Variants in FOXN3 observed in about 807,000 individuals in gnomAD.
FOXN3 encodes forkhead box protein N3.
In FOXN3, 7 loss-of-function variants were observed where a neutral mutation model predicts 38.4. The ratio of observed to expected loss-of-function variants is 0.18; its 90% CI spans 0.10 to 0.34. The LOEUF is 0.34. FOXN3 is among the 10% of genes least tolerant of loss of function. The probability of loss-of-function intolerance (pLI) is 1.00; values close to 1 mark genes in which losing one functional copy is unlikely to be tolerated. For synonymous variants in FOXN3, 230 were observed against 242.2 expected (o/e 0.95, Z 0.47); for missense variants, 456 against 613.4 (o/e 0.74, Z 2.71).
At chr14:89,299,337 GC>G (rs1283182967) in intron 3 of FOXN3, among the ~76,000 whole-genome samples, 1 of 152,204 alleles carries the variant, frequency 6.6e-6, no homozygotes, top group Non-Finnish European at 1.5e-5. Context: ...TGTCTTGCCT[GC>G]CACCATGTAA....
At chr14:89,244,224 T>C (rs1885223561) in intron 4 of FOXN3, among the ~76,000 whole-genome samples, 2 of 152,236 alleles carry the variant, frequency 1.3e-5, no homozygotes, top group South Asian at 4.1e-4. Context: ...CATACATACA[T>C]GATATTGGTA....
rs1225113277 is a variant in FOXN3, at chr14:89,478,962, C to A, written c.-14-66472G>T. The stretch of plus-strand genomic sequence containing the variant: ...AAAAAAAAAAAAAATTACCACAACA[C>A]CTCTACAAGGCAAATATCCCTACCC... On this transcript the variant is annotated intron_variant, in intron 1 of 6. Coordinates refer to the FOXN3 transcript ENST00000345097. Among the ~76,000 whole-genome samples the A allele has an allele frequency of 6.6e-5, 8 of 122,054 alleles. No individual in the cohort carries two copies. In the Admixed American group the frequency reaches 7.2e-4, roughly 11 times the overall value. 80.1% of individuals were successfully genotyped at this position (122,054 alleles called of 152,430 possible). A position where few individuals can be genotyped will look rare whatever the true frequency, so the allele number is the denominator to read the frequency against.
At chr14:89,544,784 C>T (rs1450585830) in intron 1 of FOXN3, among the ~76,000 whole-genome samples, 4 of 152,116 alleles carry the variant, frequency 2.6e-5, no homozygotes, top group Non-Finnish European at 5.9e-5. Context: ...GTAGTATATA[C>T]AGTGTAGAAA....
chr14:89,610,366 C>T (rs538764041), intron 1 of FOXN3, among the ~76,000 whole-genome samples: 5 of 152,314 alleles, frequency 3.3e-5, no homozygotes, highest in South Asian at 2.1e-4. Context: ...AACCCATGAC[C>T]GAAAGCAGCG....
intron 4 of FOXN3, among the ~76,000 whole-genome samples, chr14:89,194,468 C>A (rs1011663225): frequency 1.3e-5 from 2 of 152,068 alleles, no homozygotes; most frequent in African/African-American, 4.8e-5. Context: ...GGGTTGAACA[C>A]CAAGCAGCCT....
rs760406905 is a variant in FOXN3, at chr14:89,354,543, TA to T, written c.544-3736del. ...CGCCCGGCCGTGGAGTGCTTTTTATTAAAAAAAAAAAAAAAAAAGAAAAGAA... is the reference window on the plus strand; with the variant it reads ...CGCCCGGCCGTGGAGTGCTTTTTATTAAAAAAAAAAAAAAAAAGAAAAGAA... On this transcript the variant is annotated intron_variant, in intron 2 of 5. Coordinates refer to ENST00000557258, the MANE Select transcript of FOXN3 (RefSeq NM_005197.4). Among the ~76,000 whole-genome samples, 805 of 121,550 alleles carry T rather than the reference TA, an allele frequency of 6.6e-3. 6 individuals are homozygous for T. Among genetic ancestry groups the T allele is most frequent in the African/African-American group, 0.018 (582 of 32,388 alleles). 79.7% of individuals were successfully genotyped at this position (121,550 alleles called of 152,430 possible).
At position 89,192,562 on chromosome 14, in the gene FOXN3, A is replaced by C. The variant is rs1424913211; in HGVS notation, c.746-11756T>G. Among the ~76,000 whole-genome samples the C allele has an allele frequency of 7.8e-5, 11 of 141,540 alleles. No individual in the cohort carries two copies. The South Asian group carries it at 8.7e-4, about 11-fold the overall frequency. The allele number at this position is 141,540 out of a possible 152,430, so 92.9% of individuals were successfully genotyped here. A position where few individuals can be genotyped will look rare whatever the true frequency, so the allele number is the denominator to read the frequency against. On this transcript the variant is annotated intron_variant, in intron 4 of 5. Transcript: ENST00000557258. ...TAACTTTATAACATATGAATTATAC[A>C]ATATATAACACATATGTTATATGTA...
At chr14:89,588,532 G>GCTA (rs1596326029) in intron 1 of FOXN3, among the ~76,000 whole-genome samples, 1 of 152,090 alleles carries the variant, frequency 6.6e-6, no homozygotes, top group African/African-American at 2.4e-5. Context: ...AGTGCTCTAG[G>GCTA]CTAACATCAT....
chr14:89,603,439 T>G (rs1027734317), intron 1 of FOXN3, among the ~76,000 whole-genome samples: 2 of 152,222 alleles, frequency 1.3e-5, no homozygotes, highest in Non-Finnish European at 2.9e-5. Context: ...AAAATACCCC[T>G]GAATACCTGC....
intron 1 of FOXN3, among the ~76,000 whole-genome samples, chr14:89,537,621 C>T (rs747948776): frequency 3.9e-4 from 59 of 152,348 alleles, no homozygotes; most frequent in Non-Finnish European, 4.3e-4. Context: ...CCACATCTTC[C>T]AACCTCTTGT....
At chr14:89,446,086 T>TAAAAAAAAAAAA in intron 1 of FOXN3, among the ~76,000 whole-genome samples, 1 of 13,026 alleles carries the variant, frequency 7.7e-5, no homozygotes. Context: ...AGACCCTGCC[T>TAAAAAAAAAAAA]CAAAAAAAAA....
At chr14:89,171,400 T>G (rs998996896) in intron 5 of FOXN3, among the ~76,000 whole-genome samples, 9 of 152,176 alleles carry the variant, frequency 5.9e-5, no homozygotes, top group Admixed American at 2.0e-4. Flanking sequence ...TCTGAAAGAA[T>G]GAATACGCCT....
intron 4 of FOXN3, among the ~76,000 whole-genome samples, chr14:89,235,816 A>G (rs1344975746): frequency 1.5e-5 from 2 of 135,754 alleles, no homozygotes; most frequent in Non-Finnish European, 2.9e-5. Context: ...CAGCCTCTAG[A>G]AGCTGCAATA....
intron 1 of FOXN3, among the ~76,000 whole-genome samples, chr14:89,566,422 C>T (rs941627251): frequency 5.3e-5 from 8 of 150,494 alleles, no homozygotes; most frequent in African/African-American, 7.5e-5. Flanking sequence ...TCTTTACTTT[C>T]CTACAGGGAA....
chr14:89,468,063 C>T (rs74450928), intron 1 of FOXN3, among the ~76,000 whole-genome samples: 1 of 151,408 alleles, frequency 6.6e-6, no homozygotes, highest in African/African-American at 2.4e-5. Context: ...CATGCATCTA[C>T]ATAATTTGAT....
chr14:89,318,080 C>T (rs1003556172), intron 3 of FOXN3, among the ~76,000 whole-genome samples: 2 of 151,634 alleles, frequency 1.3e-5, no homozygotes, highest in East Asian at 1.9e-4. Context: ...CCCAACTAGC[C>T]AGTAAGTTTC....
intron 2 of FOXN3, chr14:89,355,082 T>C (rs1029190075): frequency 1.7e-4 from 26 of 150,366 alleles, no homozygotes; most frequent in African/African-American, 5.9e-4. Flanking sequence ...AAGTTTCTTT[T>C]AAAATTAAAA....
chr14:89,574,980 T>C (rs1895573580), intron 1 of FOXN3, among the ~76,000 whole-genome samples: 1 of 152,202 alleles, frequency 6.6e-6, no homozygotes. Context: ...CCCCACCAGC[T>C]GATCGGTATG....
intron 3 of FOXN3, among the ~76,000 whole-genome samples, chr14:89,284,870 T>C (rs1422317292): frequency 6.6e-6 from 1 of 152,166 alleles, no homozygotes; most frequent in African/African-American, 2.4e-5. Flanking sequence ...AGGTGAGTGA[T>C]ACCATCCTGA....
Sources: allele counts gnomAD v4.1 joint callset (sites outside exome capture counted in the v4.1 genomes callset), GRCh38; gene constraint gnomAD v4.1.1; transcripts MANE v1.5; gene names NCBI Gene and HGNC (gene_info 2026-07-23, HGNC 2026-07-21).